Variants in TBCK observed in about 807,000 individuals in gnomAD.
The protein encoded by TBCK is TBC domain-containing protein kinase-like protein.
TBCK carries 99 observed loss-of-function variants against 113.4 expected under a neutral mutation model. The observed-to-expected ratio is 0.87, with a 90% CI of 0.74 to 1.03. TBCK has a LOEUF of 1.03. Among genes scored for constraint, TBCK ranks in the 50% least tolerant of loss-of-function variants. The pLI, the probability that TBCK is intolerant of heterozygous loss-of-function variation, is 0.00. For synonymous variants in TBCK, 369 were observed against 370.8 expected, an observed-to-expected ratio of 1.00 and a Z score of 0.05; for missense variants, 1,045 against 1,061.3, an observed-to-expected ratio of 0.98 and a Z score of 0.21.
rs1259882801 is a variant in TBCK at position 106,232,221 on chromosome 4, A to G, written c.1640-442T>C. Among the ~76,000 whole-genome samples the G allele has an allele frequency of 4.0e-5, 6 of 151,766 alleles. No homozygotes were observed. The East Asian group carries it at 1.2e-3, about 29-fold the overall frequency. On this transcript the variant is annotated intron_variant, in intron 17 of 25. Transcript: ENST00000394708. ...TTGTGAAGTGGATTCCAAATATATG[A>G]CATTTCTTTTATTGATAATAATGAT...
intron 19 of TBCK, among the ~76,000 whole-genome samples, chr4:106,222,558 T>C (rs1293099422): frequency 2.6e-5 from 4 of 152,110 alleles, no homozygotes; most frequent in Admixed American, 2.0e-4. Context: ...TTAAAACAAA[T>C]GTTTTCCTCA....
intron 17 of TBCK, among the ~76,000 whole-genome samples, chr4:106,232,333 C>A (rs1185510717): frequency 1.3e-5 from 2 of 151,552 alleles, no homozygotes; most frequent in Non-Finnish European, 3.0e-5. Flanking sequence ...ATACACAGAG[C>A]TAAGAAAAAT....
intron 2 of TBCK, among the ~76,000 whole-genome samples, chr4:106,307,645 A>G (rs1427712617): frequency 6.6e-6 from 1 of 152,176 alleles, no homozygotes; most frequent in African/African-American, 2.4e-5. Context: ...CACCAACTAC[A>G]TAGGGTTTAC....
At chr4:106,277,146 A>G (rs1036132079) in intron 3 of TBCK, among the ~76,000 whole-genome samples, 5 of 152,202 alleles carry the variant, frequency 3.3e-5, no homozygotes, top group Admixed American at 6.5e-5. Context: ...ACGAAATACT[A>G]CTTTATACCT....
At chr4:106,312,687 G>C (rs1768331628) in intron 1 of TBCK, among the ~76,000 whole-genome samples, 1 of 151,860 alleles carries the variant, frequency 6.6e-6, no homozygotes, top group East Asian at 1.9e-4. Context: ...CTAAAAACCA[G>C]AAGCAATGCA....
intron 23 of TBCK, among the ~76,000 whole-genome samples, chr4:106,153,684 T>C (rs953415566): frequency 2.6e-5 from 4 of 152,164 alleles, no homozygotes; most frequent in Non-Finnish European, 5.9e-5. Context: ...CCAGGTTTTA[T>C]TGTATGGGTT....
At chr4:106,306,096 T>TC (rs1767488411) in intron 2 of TBCK, among the ~76,000 whole-genome samples, 1 of 147,812 alleles carries the variant, frequency 6.8e-6, no homozygotes, top group South Asian at 2.3e-4. Context: ...AAGAACCTTC[T>TC]CTTGGGGGTC....
chr4:106,121,361 C>T (rs1405873792), intron 23 of TBCK, among the ~76,000 whole-genome samples: 1 of 145,984 alleles, frequency 6.9e-6, no homozygotes, highest in Non-Finnish European at 1.5e-5. Flanking sequence ...CAGGAGCACC[C>T]AGATTCATAA....
intron 23 of TBCK, among the ~76,000 whole-genome samples, chr4:106,162,011 G>C (rs528950764): frequency 6.6e-6 from 1 of 152,024 alleles, no homozygotes; most frequent in Non-Finnish European, 1.5e-5. Context: ...ACAGTCCAAA[G>C]TCTCATCTGA....
At chr4:106,060,669 T>G (rs1210024620) in intron 25 of TBCK, among the ~76,000 whole-genome samples, 1 of 151,786 alleles carries the variant, frequency 6.6e-6, no homozygotes, top group Non-Finnish European at 1.5e-5. Flanking sequence ...AAGGAGTCAT[T>G]TCAACCTTCA....
At chr4:106,142,350 A>C (rs1355633404) in intron 23 of TBCK, among the ~76,000 whole-genome samples, 2 of 152,174 alleles carry the variant, frequency 1.3e-5, no homozygotes, top group Non-Finnish European at 2.9e-5. Flanking sequence ...CTGCAGATAA[A>C]AGCTTCTTTT....
At position 106,236,814 on chromosome 4, in the gene TBCK, T is replaced by A. The variant is rs750838854; in HGVS notation, c.1171-6A>T. 28 of 1,487,420 alleles carry A rather than the reference T, an allele frequency of 1.9e-5. No homozygotes were observed. Among genetic ancestry groups the A allele is most frequent in the Non-Finnish European group, 2.5e-5 (28 of 1,113,160 alleles). The allele number at this position is 1,487,420 out of a possible 1,614,324, so 92.1% of individuals were successfully genotyped here. On this transcript the variant is annotated splice_region_variant and splice_polypyrimidine_tract_variant and intron_variant, in intron 12 of 25. Coordinates refer to ENST00000394708, the MANE Select transcript of TBCK (RefSeq NM_001163435.3). ...CCACCAACATCTTTCAATCTCTGTG[T>A]ATTTAAAGACAAAATATTTATGTAT...
intron 25 of TBCK, among the ~76,000 whole-genome samples, chr4:106,088,865 G>A (rs750835171): frequency 5.3e-5 from 8 of 152,164 alleles, no homozygotes; most frequent in African/African-American, 9.7e-5. Flanking sequence ...GCTCACAAAT[G>A]CGAGTTGAAC....
chr4:106,283,483 G>C (rs1298070454), intron 3 of TBCK, among the ~76,000 whole-genome samples: 1 of 152,126 alleles, frequency 6.6e-6, no homozygotes, highest in East Asian at 1.9e-4. Context: ...TGTATTACTT[G>C]AAGAAGTGCT....
intron 25 of TBCK, among the ~76,000 whole-genome samples, chr4:106,053,583 C>T (rs1388742794): frequency 6.6e-6 from 1 of 151,654 alleles, no homozygotes; most frequent in Non-Finnish European, 1.5e-5. Context: ...TACATTCCTC[C>T]CCTAAATGAT....
chr4:106,081,311 C>T (rs1738849298), intron 25 of TBCK, among the ~76,000 whole-genome samples: 1 of 152,046 alleles, frequency 6.6e-6, no homozygotes, highest in African/African-American at 2.4e-5. Context: ...ACTGGTAGTA[C>T]ATATACACCA....
intron 2 of TBCK, among the ~76,000 whole-genome samples, chr4:106,299,309 T>C (rs1431164589): frequency 6.6e-6 from 1 of 152,202 alleles, no homozygotes; most frequent in Non-Finnish European, 1.5e-5. Flanking sequence ...CATGCCCACG[T>C]TATAAACTCA....
chr4:106,262,767 T>C (rs1248300398), intron 3 of TBCK, among the ~76,000 whole-genome samples: 1 of 151,776 alleles, frequency 6.6e-6, no homozygotes, highest in Non-Finnish European at 1.5e-5. Flanking sequence ...CACACAGATA[T>C]CCTCCAGTTT....
At chr4:106,110,678 C>G (rs184471894) in intron 24 of TBCK, among the ~76,000 whole-genome samples, 1 of 152,148 alleles carries the variant, frequency 6.6e-6, no homozygotes, top group East Asian at 1.9e-4. Flanking sequence ...GGCAATGGGT[C>G]CCAATAACAT....
Sources: gnomAD v4.1 joint callset for allele counts (sites outside exome capture counted in the v4.1 genomes callset) on GRCh38, gnomAD v4.1.1 for gene constraint, MANE v1.5 for transcripts, NCBI Gene and HGNC (gene_info 2026-07-23, HGNC 2026-07-21) for gene names.